AUTS2: variants seen among roughly 807,000 people sequenced by gnomAD.
AUTS2 encodes the protein activator of transcription and developmental regulator AUTS2.
A neutral mutation model predicts 112.4 loss-of-function variants in AUTS2; 17 were observed. The ratio of observed to expected loss-of-function variants is 0.15; its 90% CI spans 0.10 to 0.23. AUTS2 has a LOEUF of 0.23. Among genes scored for constraint, AUTS2 ranks in the 10% least tolerant of loss-of-function variants. AUTS2 has a pLI of 1.00. For missense variants in AUTS2, 1,510 were observed against 1,701.6 expected (o/e 0.89, Z 1.98); for synonymous variants, 751 against 702.7 (o/e 1.07, Z -1.09).
intron 4 of AUTS2, among the ~76,000 whole-genome samples, chr7:70,215,397 G>A (rs1263503565): frequency 6.6e-6 from 1 of 152,198 alleles, no homozygotes; most frequent in Non-Finnish European, 1.5e-5. Context: ...AATTAGCAAA[G>A]TTCCACAGGG....
chr7:70,310,431 A>C (rs1223139702), intron 4 of AUTS2, among the ~76,000 whole-genome samples: 2 of 152,084 alleles, frequency 1.3e-5, no homozygotes, highest in Admixed American at 6.6e-5. Flanking sequence ...TAACATGGTG[A>C]AACCCCGTCT....
At chr7:70,712,344 A>G (rs1434767227) in intron 6 of AUTS2, among the ~76,000 whole-genome samples, 1 of 151,570 alleles carries the variant, frequency 6.6e-6, no homozygotes, top group Non-Finnish European at 1.5e-5. Context: ...CACCACGCCC[A>G]GTGTCCTCCA....
intron 5 of AUTS2, among the ~76,000 whole-genome samples, chr7:70,484,471 T>C (rs1176947180): frequency 6.6e-6 from 1 of 152,076 alleles, no homozygotes; most frequent in Non-Finnish European, 1.5e-5. Flanking sequence ...TCTGAGGTGG[T>C]TGGGGTTAGC....
At chr7:69,950,880 A>G (rs1796998427) in intron 2 of AUTS2, among the ~76,000 whole-genome samples, 1 of 152,010 alleles carries the variant, frequency 6.6e-6, no homozygotes. Flanking sequence ...CGTCTGTGTG[A>G]TTTCAGCACT....
intron 1 of AUTS2, among the ~76,000 whole-genome samples, chr7:69,868,188 C>T (rs977921201): frequency 2.6e-5 from 4 of 152,034 alleles, no homozygotes; most frequent in South Asian, 4.2e-4. Context: ...AGTTAGCTAC[C>T]TAATGAAAAG....
intron 2 of AUTS2, among the ~76,000 whole-genome samples, chr7:70,068,580 T>C (rs1314668763): frequency 6.6e-6 from 1 of 152,240 alleles, no homozygotes; most frequent in East Asian, 1.9e-4. Flanking sequence ...ATATAGCTGC[T>C]TTGTATTTCT....
At chr7:69,887,705 T>C (rs970115857) in intron 1 of AUTS2, among the ~76,000 whole-genome samples, 2 of 152,212 alleles carry the variant, frequency 1.3e-5, no homozygotes, top group African/African-American at 4.8e-5. Context: ...TCTGAATAGA[T>C]TTTCACTGGC....
At chr7:69,929,705 T>C (rs1245437068) in intron 2 of AUTS2, among the ~76,000 whole-genome samples, 1 of 152,244 alleles carries the variant, frequency 6.6e-6, no homozygotes, top group Non-Finnish European at 1.5e-5. Flanking sequence ...TACAGTGTTT[T>C]TAAAAATACT....
At chr7:69,742,001 A>G (rs565192671) in intron 1 of AUTS2, among the ~76,000 whole-genome samples, 11 of 151,604 alleles carry the variant, frequency 7.3e-5, no homozygotes, top group East Asian at 3.9e-4. Context: ...GGGTCTCCCT[A>G]TGTTGCCCAG....
intron 1 of AUTS2, among the ~76,000 whole-genome samples, chr7:69,776,142 A>G (rs1242406816): frequency 2.0e-5 from 3 of 152,168 alleles, no homozygotes; most frequent in Non-Finnish European, 4.4e-5. Context: ...AGGCACAGTT[A>G]TAGCTTCTAA....
At chr7:70,664,782 G>A (rs1046403881) in intron 5 of AUTS2, among the ~76,000 whole-genome samples, 1 of 152,094 alleles carries the variant, frequency 6.6e-6, no homozygotes, top group African/African-American at 2.4e-5. Flanking sequence ...TGAAATTGCT[G>A]ATATTTGGTC....
chr7:70,098,036 G>T (rs996817196), intron 2 of AUTS2, among the ~76,000 whole-genome samples: 2 of 152,158 alleles, frequency 1.3e-5, no homozygotes, highest in African/African-American at 4.8e-5. Flanking sequence ...GCATTTATTA[G>T]CTGGGTGTGA....
At chr7:70,367,381 C>T (rs1437868554) in intron 4 of AUTS2, among the ~76,000 whole-genome samples, 1 of 151,852 alleles carries the variant, frequency 6.6e-6, no homozygotes, top group African/African-American at 2.4e-5. Flanking sequence ...ACGGTGAAAC[C>T]CCATCTCTAC....
In AUTS2 at chr7:70,418,985, C is replaced by T. The variant is rs148687318; in HGVS notation, c.661-16767C>T. 3.9e-3 allele frequency among the ~76,000 whole-genome samples: 586 copies of T among 152,022 alleles called. 3 individuals carry two copies. Among genetic ancestry groups the T allele is most frequent in the African/African-American group, 0.013 (552 of 41,484 alleles). ...CAGTTTTTAATGTATTTTCTCCTTA[C>T]TGCTACCTTGAGAGGTAGTTACTAT... On this transcript the variant is annotated intron_variant, in intron 4 of 18. Coordinates refer to ENST00000342771, the MANE Select transcript of AUTS2 (RefSeq NM_015570.4).
intron 4 of AUTS2, among the ~76,000 whole-genome samples, chr7:70,171,492 C>T (rs1307401284): frequency 6.6e-6 from 1 of 152,126 alleles, no homozygotes; most frequent in East Asian, 1.9e-4. Context: ...TTATGTTAGG[C>T]AGAGACATCA....
chr7:70,642,811 G>A (rs1805914499), intron 5 of AUTS2, among the ~76,000 whole-genome samples: 1 of 151,910 alleles, frequency 6.6e-6, no homozygotes, highest in Admixed American at 6.6e-5. Context: ...CCCTTCTCGT[G>A]CATCTTCCTC....
At chr7:69,640,860 G>A (rs1794769410) in intron 1 of AUTS2, among the ~76,000 whole-genome samples, 2 of 152,200 alleles carry the variant, frequency 1.3e-5, no homozygotes, top group Admixed American at 1.3e-4. Context: ...GAACACAATG[G>A]AGCATATACA....
intron 1 of AUTS2, among the ~76,000 whole-genome samples, chr7:69,637,332 C>A (rs1290958235): frequency 6.6e-6 from 1 of 152,180 alleles, no homozygotes; most frequent in Non-Finnish European, 1.5e-5. Flanking sequence ...ACAATTTCCA[C>A]TTTCAGTAAT....
Position 70,766,384 on chromosome 7 carries a change from C to A in AUTS2, c.1689+50C>A, listed in dbSNP as rs779297588. On this transcript the variant is annotated intron_variant, in intron 9 of 18. Coordinates refer to ENST00000342771, the MANE Select transcript of AUTS2 (RefSeq NM_015570.4). This position sits in a 1 kb window ranked among gnomAD's most constrained non-coding sequence, Gnocchi z 4.8. ...AGGATAAGTAGAGCACGACTCTTTT[C>A]TTTATGCAGCACGTGGGACCGGGCT... 2.6e-5 allele frequency: 42 copies of A among 1,600,308 alleles called. No homozygotes were observed. Among genetic ancestry groups the A allele is most frequent in the Non-Finnish European group, 3.3e-5 (39 of 1,171,094 alleles).
Sources: gnomAD v4.1 joint callset for allele counts (sites outside exome capture counted in the v4.1 genomes callset) on GRCh38, gnomAD v4.1.1 for gene constraint, Gnocchi (gnomAD v3.1) non-coding constraint, MANE v1.5 for transcripts, NCBI Gene and HGNC (gene_info 2026-07-23, HGNC 2026-07-21) for gene names.